RABEP1: variants seen among roughly 807,000 people sequenced by gnomAD.
RABEP1 encodes rab GTPase-binding effector protein 1.
Under a neutral mutation model 123.4 loss-of-function variants are expected in RABEP1, and 51 were observed. The ratio of observed to expected loss-of-function variants is 0.41; its 90% CI spans 0.33 to 0.52. RABEP1 has a LOEUF of 0.52. Ranked by LOEUF, RABEP1 falls within the 20% of genes least tolerant of loss-of-function variation. RABEP1 has a pLI of 0.16. For missense variants in RABEP1, 888 were observed against 996.3 expected, an observed-to-expected ratio of 0.89 and a Z score of 1.46; for synonymous variants, 347 against 355.2, an observed-to-expected ratio of 0.98 and a Z score of 0.26.
intron 2 of RABEP1, among the ~76,000 whole-genome samples, chr17:5,310,047 G>A (rs1471163866): frequency 2.6e-5 from 4 of 152,152 alleles, no homozygotes; most frequent in Non-Finnish European, 4.4e-5. Context: ...ATGTTTGGGT[G>A]GAGCCCAGAA....
intron 1 of RABEP1, among the ~76,000 whole-genome samples, chr17:5,306,324 G>A (rs2075179173): frequency 1.3e-5 from 2 of 151,992 alleles, no homozygotes; most frequent in African/African-American, 4.8e-5. Context: ...GTTTGTTCAC[G>A]ATGCTATAAA....
chr17:5,282,486 C>T lies in RABEP1; in HGVS notation c.-1C>T, dbSNP rs2144411398. ...CGCTCCCCGAGGCCGGCCGCCTGGT[C>T]ATGGCGCAGCCGGGCCCGGCTTCCC... On this transcript the variant is annotated 5_prime_UTR_variant, in exon 1 of 18. Coordinates refer to ENST00000537505, the MANE Select transcript of RABEP1 (RefSeq NM_004703.6). 5 of 1,320,998 alleles carry T rather than the reference C, an allele frequency of 3.8e-6. No homozygotes were observed. The highest frequency in any genetic ancestry group is 2.0e-5 in the South Asian group (1 of 48,898). 81.8% of individuals were successfully genotyped at this position (1,320,998 alleles called of 1,614,324 possible).
At chr17:5,301,997 T>C (rs2075138949) in intron 1 of RABEP1, among the ~76,000 whole-genome samples, 4 of 151,954 alleles carry the variant, frequency 2.6e-5, no homozygotes, top group South Asian at 2.1e-4. Context: ...AAAGGAGATA[T>C]TTCTATTAGA....
Position 5,361,302 on chromosome 17 carries a change from T to A in RABEP1, c.1190T>A (p.Met397Lys), listed in dbSNP as rs748052924. Residue 397 changes from methionine to lysine, a missense_variant, in exon 9 of 18, where the codon ATG becomes AAG. By Grantham distance (95) the Met-to-Lys change is moderately conservative (BLOSUM62 -1). Coordinates refer to ENST00000537505, the MANE Select transcript of RABEP1 (RefSeq NM_004703.6). ...GDPFSKSDND[M>K]FKDGLRRAQS... ...CCTTTCAGTAAATCGGACAATGACA[T>A]GTTTAAAGATGGACTCAGGAGAGCA... 7.4e-6 allele frequency: 12 copies of A among 1,614,028 alleles called. No homozygotes were observed. Among genetic ancestry groups the A allele is most frequent in the African/African-American group, 1.3e-5 (1 of 74,894 alleles).
intron 1 of RABEP1, among the ~76,000 whole-genome samples, chr17:5,304,791 A>AT (rs1294910773): frequency 1.3e-5 from 2 of 152,182 alleles, no homozygotes; most frequent in African/African-American, 4.8e-5. Context: ...TGCTATAAAG[A>AT]TACATGGTAA....
intron 1 of RABEP1, among the ~76,000 whole-genome samples, chr17:5,283,152 G>C (rs1042342220): frequency 6.6e-6 from 1 of 151,844 alleles, no homozygotes; most frequent in Non-Finnish European, 1.5e-5. Context: ...TTAACCAAGA[G>C]GTTAATTCAT....
At chr17:5,334,430 C>T (rs1906862323) in intron 3 of RABEP1, among the ~76,000 whole-genome samples, 1 of 152,140 alleles carries the variant, frequency 6.6e-6, no homozygotes, top group Admixed American at 6.5e-5. Flanking sequence ...TGGGGTTTCA[C>T]CTTGTTGGTC....
At chr17:5,324,334 G>C (rs1905748687) in intron 2 of RABEP1, among the ~76,000 whole-genome samples, 1 of 152,158 alleles carries the variant, frequency 6.6e-6, no homozygotes, top group South Asian at 2.1e-4. Context: ...TATTCAATGA[G>C]AAAAGGAAAG....
chr17:5,283,936 T>G (rs2074952986), intron 1 of RABEP1: 1 of 152,208 alleles, frequency 6.6e-6, no homozygotes, highest in Non-Finnish European at 1.5e-5. Context: ...GAAACTGGGA[T>G]GTCTTCAGGC....
chr17:5,335,108 C>T (rs569003320), intron 3 of RABEP1, 76 bp from the exon 4 acceptor site: 34 of 1,303,418 alleles, frequency 2.6e-5, no homozygotes, highest in Non-Finnish European at 3.5e-5. Flanking sequence ...TTTTATATAA[C>T]TTTAAAAAAT....
intron 7 of RABEP1, among the ~76,000 whole-genome samples, chr17:5,352,088 A>C (rs1908605228): frequency 6.6e-6 from 1 of 151,908 alleles, no homozygotes; most frequent in African/African-American, 2.4e-5. Flanking sequence ...TATGTGACTT[A>C]GGTTAGATTT....
Position 5,368,591 on chromosome 17 carries a change from C to T in RABEP1, c.1884+123C>T, listed in dbSNP as rs532998994. On this transcript the variant is annotated intron_variant, in intron 12 of 17. Coordinates refer to ENST00000537505, the MANE Select transcript of RABEP1 (RefSeq NM_004703.6). The stretch of plus-strand genomic sequence containing the variant: ...CAAAGTAGTTACTGTTGTCTTCTCC[C>T]GGGACTGTAGAACATTAATAATGGA... 5.9e-5 allele frequency: 39 copies of T among 656,930 alleles called. No homozygotes were observed. The East Asian group carries it at 7.7e-4, about 13-fold the overall frequency. 40.7% of individuals were successfully genotyped at this position (656,930 alleles called of 1,614,324 possible).
In RABEP1 at chr17:5,282,464, T is replaced by C; in HGVS notation, c.-23T>C. The C allele has an allele frequency of 7.4e-7, 1 of 1,343,912 alleles. No homozygotes were observed. 83.2% of individuals were successfully genotyped at this position (1,343,912 alleles called of 1,614,324 possible). A position where few individuals can be genotyped will look rare whatever the true frequency, so the allele number is the denominator to read the frequency against. ...ACGCCGCTTCCCCGCCCATCCCCGC[T>C]CCCCGAGGCCGGCCGCCTGGTCATG... is the stretch of plus-strand genomic sequence containing the variant. On this transcript the variant is annotated 5_prime_UTR_variant, in exon 1 of 18. Transcript: ENST00000537505.
chr17:5,309,979 G>C (rs1337766439), intron 2 of RABEP1, among the ~76,000 whole-genome samples: 1 of 152,192 alleles, frequency 6.6e-6, no homozygotes, highest in Non-Finnish European at 1.5e-5. Flanking sequence ...TAATAGAATA[G>C]TGGCTCTCAA....
intron 11 of RABEP1, among the ~76,000 whole-genome samples, chr17:5,366,415 T>G (rs905207397): frequency 2.0e-5 from 3 of 152,130 alleles, no homozygotes; most frequent in South Asian, 2.1e-4. Flanking sequence ...TGGTGATAGG[T>G]GTTGCAGGTG....
At chr17:5,329,632 G>GA (rs1413177047) in intron 2 of RABEP1, among the ~76,000 whole-genome samples, 5 of 152,196 alleles carry the variant, frequency 3.3e-5, no homozygotes, top group African/African-American at 9.6e-5. Flanking sequence ...GAATATGTTT[G>GA]AAAATCTTAA....
chr17:5,373,467 C>G lies in RABEP1; in HGVS notation c.2025+13C>G, dbSNP rs781221889. ...AGACACTACAGAGGTAACTTACTTT[C>G]CACATGATCAAAAATGTCAACAAGT... On this transcript the variant is annotated intron_variant, in intron 13 of 17. Coordinates refer to ENST00000537505, the MANE Select transcript of RABEP1 (RefSeq NM_004703.6). 5 of 1,583,220 alleles carry G rather than the reference C, an allele frequency of 3.2e-6. No homozygotes were observed. The highest frequency in any genetic ancestry group is 1.4e-5 in the African/African-American group (1 of 73,474).
intron 1 of RABEP1, among the ~76,000 whole-genome samples, chr17:5,286,861 G>C (rs150322399): frequency 1.3e-5 from 2 of 152,318 alleles, no homozygotes; most frequent in African/African-American, 4.8e-5. Flanking sequence ...CAGAGCAGGA[G>C]AAAGGGAAGG....
Position 5,384,407 on chromosome 17 carries a change from GTGGA to G in RABEP1, c.*1190_*1193del, listed in dbSNP as rs1911767899. The G allele has an allele frequency of 4.7e-6, 1 of 213,950 alleles. No homozygotes were observed. The highest frequency in any genetic ancestry group is 9.4e-6 in the Non-Finnish European group (1 of 105,958). 13.3% of individuals were successfully genotyped at this position (213,950 alleles called of 1,614,324 possible). On this transcript the variant is annotated 3_prime_UTR_variant, in exon 18 of 18. Transcript: ENST00000537505. ...GAGAGTACTGTCCCAGGAATATCCA[GTGGA>G]TGGATTCATCATCCAGGAGGTTCAA...
Sources: gnomAD v4.1 joint callset for allele counts (sites outside exome capture counted in the v4.1 genomes callset) on GRCh38, gnomAD v4.1.1 for gene constraint, MANE v1.5 for transcripts, NCBI Gene and HGNC (gene_info 2026-07-23, HGNC 2026-07-21) for gene names.